USP15: variants seen among roughly 807,000 people sequenced by gnomAD.
USP15 encodes the protein ubiquitin specific peptidase 15, also known as ubiquitin carboxyl-terminal hydrolase 15.
USP15 carries 18 observed loss-of-function variants against 127.1 expected under a neutral mutation model. The ratio of observed to expected loss-of-function variants is 0.14; its 90% CI spans 0.10 to 0.21. The LOEUF is 0.21. Ranked by LOEUF, USP15 falls within the 10% of genes least tolerant of loss-of-function variation. USP15 has a pLI of 1.00. For synonymous variants in USP15, 364 were observed against 393.7 expected (o/e 0.92, Z 0.89); for missense variants, 805 against 1,159.9 (o/e 0.69, Z 4.44).
intron 6 of USP15, chr12:62,335,105 A>G: frequency 4.0e-6 from 6 of 1,499,806 alleles, no homozygotes; most frequent in Non-Finnish European, 4.5e-6. Flanking sequence ...ATTCTAGGTA[A>G]GTGGTTTGAT....
intron 1 of USP15, among the ~76,000 whole-genome samples, chr12:62,290,458 G>A (rs924910749): frequency 2.0e-5 from 3 of 152,052 alleles, no homozygotes; most frequent in Non-Finnish European, 2.9e-5. Flanking sequence ...CCGTTTGCAT[G>A]GAGTATCTTT....
At chr12:62,337,621 T>G (rs1186479570) in intron 6 of USP15, among the ~76,000 whole-genome samples, 3 of 151,848 alleles carry the variant, frequency 2.0e-5, no homozygotes, top group African/African-American at 4.8e-5. Flanking sequence ...CCTAATGCTC[T>G]CCCTCCCCTT....
intron 6 of USP15, among the ~76,000 whole-genome samples, chr12:62,344,680 G>A (rs545928100): frequency 5.1e-4 from 77 of 152,272 alleles, no homozygotes; most frequent in Middle Eastern, 3.4e-3. Context: ...TGAGGACCCC[G>A]CCCCTACAGC....
chr12:62,341,958 A>T (rs1280904471), intron 6 of USP15, among the ~76,000 whole-genome samples: 1 of 152,144 alleles, frequency 6.6e-6, no homozygotes, highest in East Asian at 1.9e-4. Context: ...CTCCTGAACT[A>T]GGTTGAGGAA....
intron 6 of USP15, among the ~76,000 whole-genome samples, chr12:62,341,361 C>T (rs1437550432): frequency 2.0e-5 from 3 of 152,148 alleles, no homozygotes; most frequent in Admixed American, 6.5e-5. Flanking sequence ...TTAATTGGGG[C>T]ATTTAGCCCA....
chr12:62,318,815 A>G (rs537789075), intron 4 of USP15, among the ~76,000 whole-genome samples: 44 of 152,172 alleles, frequency 2.9e-4, no homozygotes, highest in African/African-American at 1.0e-3. Flanking sequence ...TGCTCTTCCA[A>G]TTGCTTAGGC....
chr12:62,391,511 GCT>G, intron 16 of USP15, 82 bp downstream of exon 16: 2 of 1,518,640 alleles, frequency 1.3e-6, no homozygotes, highest in Non-Finnish European at 1.8e-6. Context: ...ATGAAATTCA[GCT>G]CTGTCAAGAA....
chr12:62,338,254 G>A (rs1437472586), intron 6 of USP15, among the ~76,000 whole-genome samples: 1 of 152,030 alleles, frequency 6.6e-6, no homozygotes, highest in Non-Finnish European at 1.5e-5. Flanking sequence ...TTTTTCATAT[G>A]TTTTTGGCTG....
chr12:62,340,010 G>A (rs2065599201), intron 6 of USP15, among the ~76,000 whole-genome samples: 1 of 152,052 alleles, frequency 6.6e-6, no homozygotes, highest in Admixed American at 6.6e-5. Flanking sequence ...GAATCAGTCT[G>A]GTCCTGGGCC....
At chr12:62,322,965 C>T (rs1027064446) in intron 5 of USP15, among the ~76,000 whole-genome samples, 6 of 152,160 alleles carry the variant, frequency 3.9e-5, no homozygotes, top group African/African-American at 1.4e-4. Context: ...CTGTATTCAT[C>T]CAGCAAAAAG....
chr12:62,360,105 C>T (rs951258353), intron 8 of USP15, among the ~76,000 whole-genome samples: 3 of 152,084 alleles, frequency 2.0e-5, no homozygotes, highest in African/African-American at 7.2e-5. Context: ...CTGGATGAAG[C>T]ATCTCCTCAG....
intron 8 of USP15, among the ~76,000 whole-genome samples, chr12:62,373,510 TATATTCA>T (rs2066738524): frequency 6.6e-6 from 1 of 151,994 alleles, no homozygotes; most frequent in Non-Finnish European, 1.5e-5. Context: ...ATTAATGATA[TATATTCA>T]AGTGTTAGGA....
rs1368916618 is a variant in USP15, at chr12:62,407,107, A to G, written c.*2732A>G. 6.6e-6 allele frequency: 1 copy of G among 152,102 alleles called. No homozygotes were observed. Among genetic ancestry groups the G allele is most frequent in the Admixed American group, 6.5e-5 (1 of 15,284 alleles). The allele number at this position is 152,102 out of a possible 1,614,324, so 9.4% of individuals were successfully genotyped here. A position where few individuals can be genotyped will look rare whatever the true frequency, so the allele number is the denominator to read the frequency against. On this transcript the variant is annotated 3_prime_UTR_variant, in exon 22 of 22. Transcript: ENST00000280377. Reference sequence around the variant, plus strand: ...GTGTTTCTTTACCTGTAGAATAATGATGATAATAGCCAGCATTTATTGAGC... The same window carrying G: ...GTGTTTCTTTACCTGTAGAATAATGGTGATAATAGCCAGCATTTATTGAGC...
chr12:62,301,335 G>T (rs1264528361), intron 2 of USP15, among the ~76,000 whole-genome samples: 2 of 152,034 alleles, frequency 1.3e-5, no homozygotes, highest in East Asian at 3.9e-4. Context: ...CCACTCCTAG[G>T]TATTTACCCA....
At chr12:62,333,442 T>G (rs2065363376) in intron 6 of USP15, among the ~76,000 whole-genome samples, 1 of 152,054 alleles carries the variant, frequency 6.6e-6, no homozygotes. Context: ...TTTTTGGGTT[T>G]TTTTGTTCTT....
At chr12:62,391,560 A>G in intron 16 of USP15, 131 bp downstream of exon 16, 1 of 1,188,518 alleles carries the variant, frequency 8.4e-7, no homozygotes, top group Non-Finnish European at 1.2e-6. Flanking sequence ...ATTTTACATG[A>G]AAGGACTTAA....
intron 1 of USP15, among the ~76,000 whole-genome samples, chr12:62,291,992 C>T (rs796732743): frequency 2.0e-5 from 3 of 152,176 alleles, no homozygotes; most frequent in Non-Finnish European, 4.4e-5. Flanking sequence ...TCAGTGGTAA[C>T]AGTGGGGTTT....
At chr12:62,398,005 T>C (rs1249679117) in intron 20 of USP15, among the ~76,000 whole-genome samples, 1 of 151,764 alleles carries the variant, frequency 6.6e-6, no homozygotes, top group Non-Finnish European at 1.5e-5. Context: ...TATACGTTTT[T>C]TTTTTGAGAC....
intron 6 of USP15, among the ~76,000 whole-genome samples, chr12:62,332,639 G>A (rs1441153551): frequency 6.6e-6 from 1 of 152,082 alleles, no homozygotes; most frequent in Non-Finnish European, 1.5e-5. Flanking sequence ...AAAAATAAGA[G>A]TCATTGATGA....
Sources: gnomAD v4.1 joint callset for allele counts (sites outside exome capture counted in the v4.1 genomes callset) on GRCh38, gnomAD v4.1.1 for gene constraint, MANE v1.5 for transcripts, NCBI Gene and HGNC (gene_info 2026-07-23, HGNC 2026-07-21) for gene names.